Variants in GALNTL6 observed in about 807,000 individuals in gnomAD.
The protein encoded by GALNTL6 is polypeptide N-acetylgalactosaminyltransferase like 6, also known as polypeptide N-acetylgalactosaminyltransferase-like 6.
A neutral mutation model predicts 73.7 loss-of-function variants in GALNTL6; 46 were observed. That is an observed-to-expected ratio of 0.62 (90% CI 0.49 to 0.80). The LOEUF is 0.80. Among genes scored for constraint, GALNTL6 ranks in the 30% least tolerant of loss-of-function variants. The pLI, the probability that GALNTL6 is intolerant of heterozygous loss-of-function variation, is 0.00. For missense variants in GALNTL6, 604 were observed against 755.0 expected (o/e 0.80, Z 2.34); for synonymous variants, 259 against 263.7 (o/e 0.98, Z 0.17).
intron 2 of GALNTL6, among the ~76,000 whole-genome samples, chr4:172,228,304 T>C (rs1736937097): frequency 6.6e-6 from 1 of 152,142 alleles, no homozygotes; most frequent in Non-Finnish European, 1.5e-5. Context: ...AAACTCACCA[T>C]AATCTGTATA....
intron 5 of GALNTL6, among the ~76,000 whole-genome samples, chr4:172,631,956 GT>G (rs1460845532): frequency 6.6e-6 from 1 of 152,208 alleles, no homozygotes; most frequent in Non-Finnish European, 1.5e-5. Context: ...TGGTGAATAT[GT>G]GGTAGTGAAT....
At chr4:172,507,152 C>G (rs1734394978) in intron 5 of GALNTL6, among the ~76,000 whole-genome samples, 1 of 55,572 alleles carries the variant, frequency 1.8e-5, no homozygotes. Context: ...GCATGCATTT[C>G]TTCCTTCTGG....
At chr4:171,855,156 C>T (rs1303042558) in intron 2 of GALNTL6, among the ~76,000 whole-genome samples, 3 of 152,120 alleles carry the variant, frequency 2.0e-5, no homozygotes, top group African/African-American at 7.2e-5. Flanking sequence ...TTAGAGTTTA[C>T]TCTTTGTGTT....
chr4:172,671,190 G>A (rs943068872), intron 5 of GALNTL6, among the ~76,000 whole-genome samples: 2 of 152,182 alleles, frequency 1.3e-5, no homozygotes, highest in Non-Finnish European at 2.9e-5. Flanking sequence ...TGTGAAAAAT[G>A]TCAGTGGTGA....
chr4:172,746,060 T>C (rs1294400547), intron 5 of GALNTL6, among the ~76,000 whole-genome samples: 2 of 152,190 alleles, frequency 1.3e-5, no homozygotes, highest in Admixed American at 1.3e-4. Flanking sequence ...AATAAAATTA[T>C]AATGATAATA....
chr4:172,800,269 A>T (rs1740557735), intron 5 of GALNTL6, among the ~76,000 whole-genome samples: 1 of 152,148 alleles, frequency 6.6e-6, no homozygotes, highest in Non-Finnish European at 1.5e-5. Flanking sequence ...TTTTACTGCA[A>T]TTTTTTTGAC....
intron 5 of GALNTL6, among the ~76,000 whole-genome samples, chr4:172,535,625 G>A (rs891378130): frequency 1.3e-4 from 20 of 152,106 alleles, no homozygotes; most frequent in Non-Finnish European, 7.4e-5. Flanking sequence ...TTTTAGAGAA[G>A]ATAATACACA....
At chr4:172,204,921 A>G (rs982513100) in intron 2 of GALNTL6, among the ~76,000 whole-genome samples, 6 of 152,224 alleles carry the variant, frequency 3.9e-5, no homozygotes, top group African/African-American at 1.4e-4. Context: ...TGAGATCACA[A>G]TATTTACAAT....
chr4:172,843,269 C>G (rs2111088343), intron 7 of GALNTL6, among the ~76,000 whole-genome samples: 3 of 152,344 alleles, frequency 2.0e-5, no homozygotes, highest in Admixed American at 2.0e-4. Context: ...TTACCTCCCA[C>G]TCGCTTTACT....
At chr4:172,288,076 T>C (rs1029792585) in intron 3 of GALNTL6, among the ~76,000 whole-genome samples, 1 of 150,676 alleles carries the variant, frequency 6.6e-6, no homozygotes, top group Non-Finnish European at 1.5e-5. Context: ...CCTGTAATAA[T>C]GTGGCTTGAT....
intron 5 of GALNTL6, among the ~76,000 whole-genome samples, chr4:172,633,401 CT>C (rs2111101533): frequency 6.6e-6 from 1 of 152,340 alleles, no homozygotes; most frequent in African/African-American, 2.4e-5. Context: ...TAAGATTTGA[CT>C]GCCCTGCTGG....
At position 172,897,104 on chromosome 4, in the gene GALNTL6, A is replaced by G. The variant is rs115432235; in HGVS notation, c.1041+14197A>G. Among the ~76,000 whole-genome samples, 1,022 of 152,330 alleles carry G rather than the reference A, an allele frequency of 6.7e-3. 15 individuals are homozygous for G. The highest frequency in any genetic ancestry group is 0.023 in the African/African-American group (970 of 41,580). On this transcript the variant is annotated intron_variant, in intron 8 of 12. Transcript: ENST00000506823. ...CCCAGCAGGTCTCAGCACATACAGG[A>G]TAGTTCCCCAACTACAGTGGGAGGG...
At chr4:171,993,561 T>C (rs890943713) in intron 2 of GALNTL6, among the ~76,000 whole-genome samples, 2 of 152,066 alleles carry the variant, frequency 1.3e-5, no homozygotes, top group African/African-American at 4.8e-5. Flanking sequence ...TCTTGCCAAA[T>C]GAATATTTAG....
chr4:172,918,850 TCACTGTGC>T lies in GALNTL6; in HGVS notation c.1042-12307_1042-12300del, dbSNP rs1417442889. 2.6e-5 allele frequency among the ~76,000 whole-genome samples: 4 copies of T among 152,322 alleles called. No individual in the cohort carries two copies. In the East Asian group the frequency reaches 7.7e-4, roughly 29 times the overall value. ...GAAAGCTGCCCAACTGAAGCTCGGT[TCACTGTGC>T]CACATTGTGAAAGTGTATCAACTTT... On this transcript the variant is annotated intron_variant, in intron 8 of 12. Coordinates refer to ENST00000506823, the MANE Select transcript of GALNTL6 (RefSeq NM_001034845.3).
At chr4:172,451,394 T>C (rs1252588415) in intron 5 of GALNTL6, among the ~76,000 whole-genome samples, 1 of 152,212 alleles carries the variant, frequency 6.6e-6, no homozygotes, top group African/African-American at 2.4e-5. Flanking sequence ...TTATAATAGT[T>C]CTTAGCTCTT....
chr4:172,051,983 T>C (rs1730888025), intron 2 of GALNTL6, among the ~76,000 whole-genome samples: 1 of 152,158 alleles, frequency 6.6e-6, no homozygotes, highest in Non-Finnish European at 1.5e-5. Context: ...CTCTCCCTTA[T>C]CAGCACTGTC....
intron 2 of GALNTL6, among the ~76,000 whole-genome samples, chr4:171,860,596 T>C (rs1238494440): frequency 6.6e-6 from 1 of 152,170 alleles, no homozygotes; most frequent in African/African-American, 2.4e-5. Context: ...CTTCTTCACA[T>C]GTTTAACATT....
chr4:172,147,577 C>T (rs932471732), intron 2 of GALNTL6, among the ~76,000 whole-genome samples: 4 of 152,170 alleles, frequency 2.6e-5, no homozygotes, highest in African/African-American at 9.7e-5. Flanking sequence ...GGTGCCAATT[C>T]TATCATTCAG....
At chr4:172,697,971 C>T (rs561745506) in intron 5 of GALNTL6, among the ~76,000 whole-genome samples, 2 of 152,312 alleles carry the variant, frequency 1.3e-5, no homozygotes, top group East Asian at 1.9e-4. Context: ...CAATTTAAGA[C>T]TCCTACAGTC....
Sources: allele counts gnomAD v4.1 joint callset (sites outside exome capture counted in the v4.1 genomes callset), GRCh38; gene constraint gnomAD v4.1.1; transcripts MANE v1.5; gene names NCBI Gene and HGNC (gene_info 2026-07-23, HGNC 2026-07-21).